The following TOGARAM2 variants were observed in gnomAD, a reference collection of about 807,000 sequenced individuals.
TOGARAM2 encodes TOG array regulator of axonemal microtubules protein 2.
In TOGARAM2, 85 loss-of-function variants were observed where a neutral mutation model predicts 93.3. The observed-to-expected ratio is 0.91, with a 90% CI of 0.76 to 1.09. The LOEUF is 1.09. Ranked by LOEUF, TOGARAM2 falls within the 50% of genes least tolerant of loss-of-function variation. The pLI is 0.00. For missense variants in TOGARAM2, 1,277 were observed against 1,334.5 expected (o/e 0.96, Z 0.67); for synonymous variants, 593 against 552.8 (o/e 1.07, Z -1.02).
At chr2:29,022,485 T>C (rs1665021967) in intron 11 of TOGARAM2, among the ~76,000 whole-genome samples, 177 bp downstream of exon 11, 1 of 152,176 alleles carries the variant, frequency 6.6e-6, no homozygotes, top group South Asian at 2.1e-4. Context: ...TTTATGTGCG[T>C]GTGTGCATGA....
At chr2:28,982,049 T>C (rs1015312585) in intron 1 of TOGARAM2, among the ~76,000 whole-genome samples, 2 of 152,200 alleles carry the variant, frequency 1.3e-5, no homozygotes, top group African/African-American at 4.8e-5. Flanking sequence ...TCTGGCTGTG[T>C]GGACTTGAGC....
At chr2:29,036,901 G>T in intron 18 of TOGARAM2, 144 bp downstream of exon 18, 1 of 768,826 alleles carries the variant, frequency 1.3e-6, no homozygotes, top group Non-Finnish European at 2.1e-6. Flanking sequence ...GGAGCCCAGG[G>T]CCTCCAAGGC....
intron 19 of TOGARAM2, chr2:29,050,648 A>G: frequency 6.6e-6 from 1 of 152,228 alleles, no homozygotes; most frequent in Non-Finnish European, 1.5e-5. Context: ...TGTTTTCCAC[A>G]GAATTCCCGG....
Position 29,019,984 on chromosome 2 carries a change from G to T in TOGARAM2, c.1360+2028G>T, listed in dbSNP as rs570809442. ...TTCTCAGCGAGGCAAATTTACTTCC[G>T]CAGAAGGCTGCTGCTCATTCTTCTG... On this transcript the variant is annotated intron_variant, in intron 10 of 19. Transcript: ENST00000379558. Among the ~76,000 whole-genome samples, 5 of 152,324 alleles carry T rather than the reference G, an allele frequency of 3.3e-5. No individual in the cohort carries two copies. In the East Asian group the frequency reaches 5.8e-4, roughly 18 times the overall value.
At chr2:29,018,177 T>C in intron 10 of TOGARAM2, 1 of 560,094 alleles carries the variant, frequency 1.8e-6, no homozygotes, top group South Asian at 2.4e-5. Flanking sequence ...ATGTCACAAC[T>C]GGAGTTGTGA....
At chr2:28,982,599 G>C (rs1672250635) in intron 1 of TOGARAM2, among the ~76,000 whole-genome samples, 1 of 152,158 alleles carries the variant, frequency 6.6e-6, no homozygotes, top group African/African-American at 2.4e-5. Flanking sequence ...TTTGAAGAAA[G>C]GGGGAGGTAG....
intron 4 of TOGARAM2, among the ~76,000 whole-genome samples, chr2:29,001,743 C>T (rs1357927057): frequency 6.6e-6 from 1 of 152,202 alleles, no homozygotes; most frequent in Non-Finnish European, 1.5e-5. Context: ...TCCTCCCGTT[C>T]TCGGCCTCCC....
In TOGARAM2 at chr2:29,035,487, T is replaced by C; in HGVS notation, c.2249T>C (p.Leu750Pro). 6.8e-7 allele frequency: 1 copy of C among 1,469,528 alleles called. No homozygotes were observed. The highest frequency in any genetic ancestry group is 9.1e-7 in the Non-Finnish European group (1 of 1,104,006). The allele number at this position is 1,469,528 out of a possible 1,614,324, so 91.0% of individuals were successfully genotyped here. ...AGGCTCAGCTGCAATGGCCCAAGGC[T>C]GGTGGGGCTGCGCTCCACACTGCAG... ...KEGLSCNGPR[L>P]VGLRSTLQGR... Residue 750 changes from leucine to proline, a missense_variant, in exon 17 of 20, where the codon CTG (leucine) becomes CCG (proline). Coordinates refer to ENST00000379558, the MANE Select transcript of TOGARAM2 (RefSeq NM_199280.4).
chr2:29,003,927 C>G (rs1673468480), intron 6 of TOGARAM2, among the ~76,000 whole-genome samples: 1 of 152,228 alleles, frequency 6.6e-6, no homozygotes, highest in Non-Finnish European at 1.5e-5. Context: ...ATGTCTCCAG[C>G]CTCTGTCTTC....
intron 18 of TOGARAM2, among the ~76,000 whole-genome samples, chr2:29,040,616 C>T (rs1351646735): frequency 3.3e-5 from 5 of 152,176 alleles, no homozygotes; most frequent in Non-Finnish European, 5.9e-5. Context: ...TCTGAGCTCC[C>T]GACCTTCCCT....
At chr2:29,022,081 G>A in intron 10 of TOGARAM2, 77 bp from the exon 11 acceptor site, 2 of 1,585,462 alleles carry the variant, frequency 1.3e-6, no homozygotes, top group South Asian at 1.1e-5. Context: ...CCCATGGTGA[G>A]CGGTGGCAGG....
At chr2:29,006,269 G>A (rs1177207068) in intron 6 of TOGARAM2, among the ~76,000 whole-genome samples, 1 of 147,972 alleles carries the variant, frequency 6.8e-6, no homozygotes, top group East Asian at 2.0e-4. Flanking sequence ...TGTGTGGAGT[G>A]TATATGTGTG....
intron 14 of TOGARAM2, among the ~76,000 whole-genome samples, chr2:29,029,391 G>A (rs548387138): frequency 2.0e-5 from 3 of 152,226 alleles, no homozygotes; most frequent in Admixed American, 6.5e-5. Flanking sequence ...AATAACTCAG[G>A]AATGGAAAAC....
chr2:29,020,165 C>T (rs1036235909), intron 10 of TOGARAM2, among the ~76,000 whole-genome samples: 4 of 151,902 alleles, frequency 2.6e-5, no homozygotes, highest in South Asian at 4.1e-4. Context: ...GGGGCTCTAG[C>T]GGTGGGAAGA....
At chr2:29,045,758 T>G in intron 19 of TOGARAM2, 1 of 297,278 alleles carries the variant, frequency 3.4e-6, no homozygotes. Flanking sequence ...ATTTCCGATT[T>G]CAGATTTTTG....
At chr2:28,960,102 A>G (rs147000113) in intron 1 of TOGARAM2, among the ~76,000 whole-genome samples, 1 of 152,372 alleles carries the variant, frequency 6.6e-6, no homozygotes, top group Non-Finnish European at 1.5e-5. Flanking sequence ...CCACCGTTGT[A>G]TATGTGGTCC....
chr2:29,019,800 T>G (rs1335330411), intron 10 of TOGARAM2, among the ~76,000 whole-genome samples: 1 of 152,254 alleles, frequency 6.6e-6, no homozygotes, highest in East Asian at 1.9e-4. Context: ...AAATAATCCC[T>G]TAACTTGCTG....
intron 1 of TOGARAM2, among the ~76,000 whole-genome samples, chr2:28,993,233 T>G (rs544618518): frequency 1.3e-5 from 2 of 152,314 alleles, no homozygotes; most frequent in South Asian, 4.1e-4. Context: ...TAAATATTGC[T>G]TTTCTGCATA....
At position 29,008,375 on chromosome 2, in the gene TOGARAM2, T is replaced by C. The variant is rs188479463; in HGVS notation, c.831-3080T>C. Among the ~76,000 whole-genome samples, 438 of 152,288 alleles carry C rather than the reference T, an allele frequency of 2.9e-3. 3 individuals are homozygous for C. The highest frequency in any genetic ancestry group is 0.01 in the African/African-American group (421 of 41,550). ...CACATTGGTTAGGCTGGTCTTGAAC[T>C]CCTGACCTTAGGTGATCTGCCCACT... On this transcript the variant is annotated intron_variant, in intron 6 of 19. Transcript: ENST00000379558.
Sources: allele counts gnomAD v4.1 joint callset (sites outside exome capture counted in the v4.1 genomes callset), GRCh38; gene constraint gnomAD v4.1.1; transcripts MANE v1.5; gene names NCBI Gene and HGNC (gene_info 2026-07-23, HGNC 2026-07-21).